The following GPLD1 variants were observed in gnomAD, a reference collection of about 807,000 sequenced individuals.
GPLD1 encodes glycosylphosphatidylinositol specific phospholipase D1.
In GPLD1, 84 loss-of-function variants were observed where a neutral mutation model predicts 112.6. The ratio of observed to expected loss-of-function variants is 0.75; its 90% CI spans 0.63 to 0.89. The LOEUF (loss-of-function observed/expected upper bound fraction) is 0.89. Among genes scored for constraint, GPLD1 ranks in the 40% least tolerant of loss-of-function variants. The pLI, the probability that GPLD1 is intolerant of heterozygous loss-of-function variation, is 0.00. For synonymous variants in GPLD1, 386 were observed against 403.8 expected, an observed-to-expected ratio of 0.96 and a Z score of 0.53; for missense variants, 1,044 against 1,051.5, an observed-to-expected ratio of 0.99 and a Z score of 0.10.
chr6:24,430,657 A>T (rs1762374099), intron 24 of GPLD1, among the ~76,000 whole-genome samples: 1 of 152,216 alleles, frequency 6.6e-6, no homozygotes, highest in Non-Finnish European at 1.5e-5. Context: ...TAATTTCATT[A>T]CTGAATGCTC....
intron 7 of GPLD1, among the ~76,000 whole-genome samples, chr6:24,472,188 A>G (rs1206443147): frequency 1.3e-5 from 2 of 152,224 alleles, no homozygotes; most frequent in Non-Finnish European, 2.9e-5. Flanking sequence ...AAATAGAAGA[A>G]AAGTGTAACC....
At chr6:24,480,473 C>G (rs761836817) in intron 2 of GPLD1, among the ~76,000 whole-genome samples, 1 of 151,386 alleles carries the variant, frequency 6.6e-6, no homozygotes. Context: ...CAGGCATGAG[C>G]CACCATACCT....
intron 14 of GPLD1, among the ~76,000 whole-genome samples, chr6:24,452,470 T>A (rs1763122092): frequency 6.6e-6 from 1 of 152,110 alleles, no homozygotes; most frequent in Non-Finnish European, 1.5e-5. Context: ...TCATTGTACT[T>A]CTTATTTTTG....
At chr6:24,436,198 G>C (rs1311788539) in intron 22 of GPLD1, among the ~76,000 whole-genome samples, 1 of 152,124 alleles carries the variant, frequency 6.6e-6, no homozygotes, top group Non-Finnish European at 1.5e-5. Context: ...TGAGGCTGCA[G>C]TGGGCCATGA....
chr6:24,451,670 C>T (rs1413504408), intron 14 of GPLD1, among the ~76,000 whole-genome samples: 2 of 152,200 alleles, frequency 1.3e-5, no homozygotes, highest in South Asian at 4.1e-4. Context: ...TACATAACAA[C>T]GAATGGCCTT....
chr6:24,426,895 C>T lies in GPLD1; in HGVS notation c.*2137G>A, dbSNP rs1478030876. On this transcript the variant is annotated 3_prime_UTR_variant, in exon 25 of 25. Coordinates refer to ENST00000230036, the MANE Select transcript of GPLD1 (RefSeq NM_001503.4). Reference sequence around the variant, plus strand: ...GGTTACTATGCAGCTAGCACATGTACCTCTTCCAGAAAAATGAGGTCATCC... The same window carrying T: ...GGTTACTATGCAGCTAGCACATGTATCTCTTCCAGAAAAATGAGGTCATCC... Among the ~76,000 whole-genome samples, 1 of 152,158 alleles carries T rather than the reference C, an allele frequency of 6.6e-6. No individual in the cohort carries two copies. Among genetic ancestry groups the T allele is most frequent in the Non-Finnish European group, 1.5e-5 (1 of 68,010 alleles).
In GPLD1 at chr6:24,479,947, G is replaced by A. The variant is rs763834552; in HGVS notation, c.166C>T (p.His56Tyr). 1 of 1,606,174 alleles carries A rather than the reference G, an allele frequency of 6.2e-7. No individual in the cohort carries two copies. The highest frequency in any genetic ancestry group is 1.1e-5 in the South Asian group (1 of 90,944). Reference sequence around the variant, plus strand: ...ATTCCAGCCTGATACGCATCCTGGTGTTCTAGTAACAGCTGCAGAGCAAGA... The same window carrying A: ...ATTCCAGCCTGATACGCATCCTGGTATTCTAGTAACAGCTGCAGAGCAAGA... ...RVNYRELLLE[H>Y]QDAYQAGIVF... Residue 56 changes from histidine (H) to tyrosine (Y), a missense_variant, in exon 3 of 25, where the codon CAC becomes TAC. Coordinates refer to ENST00000230036, the MANE Select transcript of GPLD1 (RefSeq NM_001503.4).
chr6:24,450,026 G>A, intron 14 of GPLD1, 127 bp from the exon 15 acceptor site: 1 of 616,826 alleles, frequency 1.6e-6, no homozygotes, highest in Non-Finnish European at 2.9e-6. Flanking sequence ...CGAAGGTGCA[G>A]TAAGCTATAA....
At chr6:24,484,781 G>A (rs768408385) in intron 2 of GPLD1, among the ~76,000 whole-genome samples, 3 of 152,042 alleles carry the variant, frequency 2.0e-5, no homozygotes, top group African/African-American at 7.2e-5. Flanking sequence ...TTCCTCATTC[G>A]GCCTGTTAGG....
chr6:24,457,702 A>G (rs2793431), intron 12 of GPLD1, among the ~76,000 whole-genome samples: 137,935 of 151,900 alleles, frequency 0.91, 63,301 homozygotes, highest in African/African-American at 0.98. Context: ...CCAATATAGT[A>G]AAACCCCGTC....
chr6:24,478,930 A>G lies in GPLD1; in HGVS notation c.232+951T>C, dbSNP rs147814443. Among the ~76,000 whole-genome samples the G allele has an allele frequency of 1.2e-3, 180 of 152,280 alleles. 1 individual carries two copies. Among genetic ancestry groups the G allele is most frequent in the African/African-American group, 4.2e-3 (173 of 41,550 alleles). Reference sequence around the variant, plus strand: ...GGGGCTCTGACTGATACGACTCATGAGACAAGTTTACTGATAATGACAGAG... The same window carrying G: ...GGGGCTCTGACTGATACGACTCATGGGACAAGTTTACTGATAATGACAGAG... On this transcript the variant is annotated intron_variant, in intron 3 of 24. Transcript: ENST00000230036.
chr6:24,484,455 A>G (rs7760909), intron 2 of GPLD1, among the ~76,000 whole-genome samples: 26,980 of 151,970 alleles, frequency 0.18, 2,778 homozygotes, highest in African/African-American at 0.28. Context: ...ACCTCACGTG[A>G]TCCACCCACC....
chr6:24,446,806 T>C (rs780050384), intron 18 of GPLD1, 32 bp downstream of exon 18: 2 of 1,607,168 alleles, frequency 1.2e-6, no homozygotes, highest in Admixed American at 3.4e-5. Context: ...GCCCCTGTGT[T>C]CATGGTTCCC....
upstream of GPLD1, among the ~76,000 whole-genome samples, chr6:24,491,505 C>G (rs1046541699): frequency 1.3e-5 from 2 of 152,146 alleles, no homozygotes; most frequent in African/African-American, 4.8e-5. Context: ...TCAAAACCAG[C>G]CTGTGCAACA....
downstream of GPLD1, chr6:24,425,779 A>G (rs1438006491): frequency 2.0e-5 from 3 of 152,246 alleles, no homozygotes; most frequent in South Asian, 2.1e-4. Flanking sequence ...TGTGAGCACA[A>G]TTATTAACAC....
Position 24,460,417 on chromosome 6 carries a change from G to A in GPLD1, c.888-18C>T. On this transcript the variant is annotated intron_variant, in intron 11 of 24. Coordinates refer to ENST00000230036, the MANE Select transcript of GPLD1 (RefSeq NM_001503.4). ...TTTTTGAGCTGTTGAAGAGAAAGAG[G>A]AATAAACTGGTTACGACTGAGAAAA... 6.2e-7 allele frequency: 1 copy of A among 1,612,226 alleles called. No individual in the cohort carries two copies.
chr6:24,461,243 G>T (rs1581761087), intron 11 of GPLD1, among the ~76,000 whole-genome samples: 1 of 151,984 alleles, frequency 6.6e-6, no homozygotes, highest in East Asian at 1.9e-4. Flanking sequence ...CAGGGTTCTG[G>T]CAACCCCAAG....
chr6:24,459,587 C>A (rs1763372194), intron 12 of GPLD1, among the ~76,000 whole-genome samples: 1 of 152,174 alleles, frequency 6.6e-6, no homozygotes, highest in African/African-American at 2.4e-5. Flanking sequence ...ACTTACCGCA[C>A]CATGGTATGT....
chr6:24,436,480 A>G, intron 22 of GPLD1, 96 bp downstream of exon 22: 1 of 1,062,742 alleles, frequency 9.4e-7, no homozygotes, highest in East Asian at 2.4e-5. Context: ...GGAGGTATGA[A>G]TTCAGGTAAG....
Sources: gnomAD v4.1 joint callset for allele counts (sites outside exome capture counted in the v4.1 genomes callset) on GRCh38, gnomAD v4.1.1 for gene constraint, MANE v1.5 for transcripts, NCBI Gene and HGNC (gene_info 2026-07-23, HGNC 2026-07-21) for gene names.